MYRFL: variants seen among roughly 807,000 people sequenced by gnomAD.
MYRFL encodes the protein myelin regulatory factor-like protein.
MYRFL carries 88 observed loss-of-function variants against 109.4 expected under a neutral mutation model. That is an observed-to-expected ratio of 0.80 (90% confidence interval 0.68 to 0.96). The LOEUF (loss-of-function observed/expected upper bound fraction) is 0.96. Among genes scored for constraint, MYRFL ranks in the 40% least tolerant of loss-of-function variants. MYRFL has a pLI of 0.00. For synonymous variants in MYRFL, 324 were observed against 320.9 expected, an observed-to-expected ratio of 1.01 and a Z score of -0.10; for missense variants, 957 against 954.9, an observed-to-expected ratio of 1.00 and a Z score of -0.03.
intron 6 of MYRFL, among the ~76,000 whole-genome samples, chr12:69,889,446 G>A (rs1326503973): frequency 2.0e-5 from 3 of 152,024 alleles, no homozygotes; most frequent in Non-Finnish European, 2.9e-5. Context: ...AAGTATTTCT[G>A]ATTTGGGAAC....
At chr12:69,926,468 A>G (rs761331244) in intron 13 of MYRFL, 103 bp from the exon 14 acceptor site, 4 of 1,003,594 alleles carry the variant, frequency 4.0e-6, no homozygotes, top group Non-Finnish European at 5.2e-6. Flanking sequence ...GTCTGTAACC[A>G]TTTTCAACAG....
chr12:69,918,493 GAACC>G (rs1334239525), intron 13 of MYRFL, among the ~76,000 whole-genome samples: 1 of 152,134 alleles, frequency 6.6e-6, no homozygotes, highest in East Asian at 1.9e-4. Flanking sequence ...GCTCTCTCTG[GAACC>G]AATACAAGGA....
intron 13 of MYRFL, among the ~76,000 whole-genome samples, chr12:69,914,656 C>T (rs1954676627): frequency 6.6e-6 from 1 of 152,186 alleles, no homozygotes; most frequent in African/African-American, 2.4e-5. Flanking sequence ...GTCCATCCTC[C>T]TTCTTCCAGG....
intron 2 of MYRFL, among the ~76,000 whole-genome samples, chr12:69,873,255 A>C (rs1291094740): frequency 6.6e-6 from 1 of 152,164 alleles, no homozygotes. Flanking sequence ...CTAAACCAAA[A>C]AAAAATCAGA....
chr12:69,924,468 A>G (rs11177970), intron 13 of MYRFL, among the ~76,000 whole-genome samples: 7,568 of 152,246 alleles, frequency 0.05, 612 homozygotes, highest in African/African-American at 0.17. Context: ...GTTGCATAGT[A>G]TACTGCTATG....
chr12:69,895,039 A>G (rs892287789), intron 8 of MYRFL, among the ~76,000 whole-genome samples: 1 of 152,210 alleles, frequency 6.6e-6, no homozygotes, highest in Non-Finnish European at 1.5e-5. Context: ...CGGCAGCACA[A>G]ATGAAAGGTT....
chr12:69,947,409 CTT>C (rs984225783), intron 19 of MYRFL, among the ~76,000 whole-genome samples: 2 of 152,058 alleles, frequency 1.3e-5, no homozygotes, highest in African/African-American at 4.8e-5. Flanking sequence ...TGTAAAGTGT[CTT>C]TCAGAAAGGT....
chr12:69,918,068 A>AT (rs1463096368), intron 13 of MYRFL, among the ~76,000 whole-genome samples: 6 of 152,086 alleles, frequency 3.9e-5, no homozygotes, highest in Non-Finnish European at 7.4e-5. Flanking sequence ...GGTTACAGAC[A>AT]TTTTTTCCCC....
intron 1 of MYRFL, among the ~76,000 whole-genome samples, chr12:69,839,611 A>G (rs1282678020): frequency 2.0e-5 from 3 of 152,238 alleles, no homozygotes; most frequent in African/African-American, 7.2e-5. Context: ...GAACTTGAGC[A>G]ATACTTAAGC....
At chr12:69,950,137 T>A (rs1387342165) in intron 19 of MYRFL, among the ~76,000 whole-genome samples, 15 of 152,112 alleles carry the variant, frequency 9.9e-5, no homozygotes, top group Admixed American at 9.8e-4. Flanking sequence ...GTTTTGCTTA[T>A]CTTTAGAGAC....
chr12:69,933,162 T>C (rs942841138), intron 16 of MYRFL, among the ~76,000 whole-genome samples: 1 of 152,198 alleles, frequency 6.6e-6, no homozygotes, highest in African/African-American at 2.4e-5. Context: ...CAGCAGTATT[T>C]GCTATGCAAA....
At chr12:69,835,221 G>C (rs1181466899) in intron 1 of MYRFL, among the ~76,000 whole-genome samples, 1 of 152,182 alleles carries the variant, frequency 6.6e-6, no homozygotes, top group Non-Finnish European at 1.5e-5. Flanking sequence ...TGCTGACCTT[G>C]TTAATCACTG....
rs1280911381 is a variant in MYRFL at position 69,952,123 on chromosome 12, C to T, written c.2235C>T (p.Ser745=). The change falls in exon 20 of 25, where the codon AGC becomes AGT. Residue 745 remains serine (S), a synonymous_variant. Coordinates refer to ENST00000552032, the MANE Select transcript of MYRFL (RefSeq NM_182530.3). ...TTGTTTCCTTTTCAGAAGACAAAAG[C>T]AAATCAGTTTTGGCAAGAAATGCAC... The part of the protein sequence containing the change: ...FHQRRWSEDK[S]KSVLARNALS... 3 of 1,536,058 alleles carry T rather than the reference C, an allele frequency of 2.0e-6. No homozygotes were observed. Among genetic ancestry groups the T allele is most frequent in the Non-Finnish European group, 2.6e-6 (3 of 1,146,868 alleles).
intron 19 of MYRFL, among the ~76,000 whole-genome samples, chr12:69,945,101 A>T (rs1955793332): frequency 6.6e-6 from 1 of 152,214 alleles, no homozygotes; most frequent in Non-Finnish European, 1.5e-5. Context: ...GCTAAGTGTT[A>T]TTACAAGAGT....
chr12:69,956,110 A>G (rs971958059), intron 22 of MYRFL, among the ~76,000 whole-genome samples: 4 of 152,112 alleles, frequency 2.6e-5, no homozygotes, highest in African/African-American at 9.7e-5. Flanking sequence ...TCCTCACAGC[A>G]ACCCTCCCAG....
Position 69,879,297 on chromosome 12 carries a change from G to C in MYRFL, c.308G>C (p.Ser103Thr), listed in dbSNP as rs1045882665. Residue 103 changes from serine to threonine, a missense_variant, in exon 4 of 25, where the codon AGC (serine) becomes ACC (threonine). Ser to Thr is a moderately conservative substitution (Grantham distance 58, BLOSUM62 1). Coordinates refer to ENST00000552032, the MANE Select transcript of MYRFL (RefSeq NM_182530.3). The part of the protein sequence containing the change: ...PAMPPMHPLQ[S>T]TSGMGDSCQI... ...ATGCCGCCCATGCACCCGCTGCAGA[G>C]CACCTCTGGAATGGGCGACTCCTGC... 1.4e-6 allele frequency: 1 copy of C among 702,744 alleles called. No individual in the cohort carries two copies. Among genetic ancestry groups the C allele is most frequent in the African/African-American group, 1.7e-5 (1 of 57,256 alleles). The allele number at this position is 702,744 out of a possible 1,614,324, so 43.5% of individuals were successfully genotyped here.
At chr12:69,955,778 C>G (rs188105293) in intron 22 of MYRFL, among the ~76,000 whole-genome samples, 6 of 151,630 alleles carry the variant, frequency 4.0e-5, no homozygotes, top group Non-Finnish European at 7.4e-5. Context: ...ACATGCCCCC[C>G]GATGGGAAGA....
At chr12:69,938,093 G>A (rs772022164) in intron 19 of MYRFL, among the ~76,000 whole-genome samples, 3 of 152,174 alleles carry the variant, frequency 2.0e-5, no homozygotes, top group Non-Finnish European at 4.4e-5. Flanking sequence ...AGGAGCAGAT[G>A]CATCACTATG....
At chr12:69,897,044 G>T in intron 9 of MYRFL, 112 bp from the exon 10 acceptor site, 1 of 753,012 alleles carries the variant, frequency 1.3e-6, no homozygotes, top group Non-Finnish European at 2.3e-6. Context: ...CTTTAAATAA[G>T]CAAACTCTTC....
Sources: allele counts gnomAD v4.1 joint callset (sites outside exome capture counted in the v4.1 genomes callset), GRCh38; gene constraint gnomAD v4.1.1; transcripts MANE v1.5; gene names NCBI Gene and HGNC (gene_info 2026-07-23, HGNC 2026-07-21).